PSAP: variants seen among roughly 807,000 people sequenced by gnomAD.
The protein encoded by PSAP is prosaposin, also known as precursor of saposins.
In PSAP, 25 loss-of-function variants were observed where a neutral mutation model predicts 66.0. The ratio of observed to expected loss-of-function variants is 0.38; its 90% CI spans 0.28 to 0.53. PSAP has a LOEUF of 0.53. PSAP is among the 20% of genes least tolerant of loss of function. The probability of loss-of-function intolerance (pLI) is 0.83; values close to 1 mark genes in which losing one functional copy is unlikely to be tolerated. For synonymous variants in PSAP, 273 were observed against 258.9 expected, an observed-to-expected ratio of 1.05 and a Z score of -0.52; for missense variants, 649 against 668.8, an observed-to-expected ratio of 0.97 and a Z score of 0.33.
chr10:71,826,120 A>G (rs1317059043), intron 6 of PSAP, among the ~76,000 whole-genome samples: 3 of 152,188 alleles, frequency 2.0e-5, no homozygotes, highest in Non-Finnish European at 4.4e-5. Flanking sequence ...CGTTTTGAAA[A>G]TGTTTCTTAA....
At chr10:71,851,137 C>G in intron 1 of PSAP, 45 bp downstream of exon 1, 1 of 1,547,858 alleles carries the variant, frequency 6.5e-7, no homozygotes, top group African/African-American at 1.4e-5. Flanking sequence ...GGCAGATGGA[C>G]GCTGCGAGGC....
chr10:71,817,659 G>A (rs2133026512), intron 13 of PSAP, among the ~76,000 whole-genome samples, 183 bp from the exon 14 acceptor site: 1 of 152,344 alleles, frequency 6.6e-6, no homozygotes, highest in South Asian at 2.1e-4. Context: ...GTGGCCATCA[G>A]AGTTTTGGGA....
rs780126150 is a variant in PSAP, at chr10:71,828,071, G to A, written c.663C>T (p.Ala221=). Residue 221 remains alanine (A), a synonymous_variant, in exon 6 of 14, where the codon GCC becomes GCT. Coordinates refer to ENST00000394936, the MANE Select transcript of PSAP (RefSeq NM_002778.4). The part of the protein sequence containing the change: ...AVRTNSTFVQ[A]LVEHVKEECD... ...ACTCCTCCTTGACATGTTCCACCAAGGCCTGGACAAAGGTGGAGTTGGTCC... is the reference window on the plus strand; with the variant it reads ...ACTCCTCCTTGACATGTTCCACCAAAGCCTGGACAAAGGTGGAGTTGGTCC... The A allele has an allele frequency of 6.2e-6, 10 of 1,614,182 alleles. No individual in the cohort carries two copies. Among genetic ancestry groups the A allele is most frequent in the Non-Finnish European group, 8.5e-6 (10 of 1,180,040 alleles).
At chr10:71,817,731 G>A (rs2593160) in intron 13 of PSAP, among the ~76,000 whole-genome samples, 1 of 146,974 alleles carries the variant, frequency 6.8e-6, no homozygotes, top group South Asian at 2.1e-4. Context: ...GAGTACCCAC[G>A]CAGGCAGGGC....
intron 1 of PSAP, among the ~76,000 whole-genome samples, chr10:71,846,022 G>C (rs1842815742): frequency 6.6e-6 from 1 of 152,248 alleles, no homozygotes. Context: ...ATCAAGGGCA[G>C]AAAATAGGCC....
At chr10:71,833,331 C>T (rs1159785792) in intron 2 of PSAP, among the ~76,000 whole-genome samples, 5 of 152,068 alleles carry the variant, frequency 3.3e-5, no homozygotes, top group African/African-American at 4.8e-5. Flanking sequence ...TACTGGTCCA[C>T]ATCTGTGGTT....
At chr10:71,818,797 A>G (rs1842231187) in intron 12 of PSAP, 73 bp from the exon 13 acceptor site, 1 of 1,328,882 alleles carries the variant, frequency 7.5e-7, no homozygotes, top group South Asian at 1.2e-5. Context: ...CAAAACTAAG[A>G]AAACAGTTTC....
At chr10:71,831,772 C>G in intron 3 of PSAP, 74 bp downstream of exon 3, 1 of 1,441,656 alleles carries the variant, frequency 6.9e-7, no homozygotes, top group Non-Finnish European at 9.8e-7. Context: ...TTTAGACACC[C>G]GGAATCACAG....
At chr10:71,835,773 G>T (rs1842610581) in intron 1 of PSAP, among the ~76,000 whole-genome samples, 1 of 147,474 alleles carries the variant, frequency 6.8e-6, no homozygotes, top group South Asian at 2.1e-4. Context: ...TCTCAGTAGG[G>T]TTGAACAAAC....
intron 12 of PSAP, 98 bp downstream of exon 12, chr10:71,818,930 GACT>G: frequency 8.2e-7 from 1 of 1,218,138 alleles, no homozygotes; most frequent in South Asian, 1.3e-5. Context: ...AGAACCCAGA[GACT>G]CCACCCCACG....
chr10:71,821,343 A>T (rs1842297392), intron 8 of PSAP, among the ~76,000 whole-genome samples: 1 of 152,252 alleles, frequency 6.6e-6, no homozygotes, highest in South Asian at 2.1e-4. Flanking sequence ...CACAGCCCCT[A>T]ACATGCTGCC....
chr10:71,851,125 G>A, intron 1 of PSAP, 57 bp downstream of exon 1: 1 of 1,538,626 alleles, frequency 6.5e-7, no homozygotes, highest in Non-Finnish European at 8.8e-7. Context: ...AGCCCATTCT[G>A]GGGCAGATGG....
chr10:71,834,569 T>C, intron 1 of PSAP, 64 bp from the exon 2 acceptor site: 4 of 1,592,062 alleles, frequency 2.5e-6, no homozygotes, highest in South Asian at 1.1e-5. Context: ...ACCTGACTTA[T>C]TTCCCCAGGG....
At chr10:71,834,563 G>T (rs780128396) in intron 1 of PSAP, 58 bp from the exon 2 acceptor site, 9 of 1,598,636 alleles carry the variant, frequency 5.6e-6, no homozygotes, top group Non-Finnish European at 7.7e-6. Flanking sequence ...AGGTCGACCT[G>T]ACTTATTTCC....
intron 4 of PSAP, among the ~76,000 whole-genome samples, chr10:71,830,805 T>A (rs1002450716): frequency 6.6e-6 from 1 of 152,216 alleles, no homozygotes; most frequent in Non-Finnish European, 1.5e-5. Flanking sequence ...GAAGTGAGGT[T>A]TTGTGCCTGC....
chr10:71,822,387 G>A (rs1005573971), intron 7 of PSAP, among the ~76,000 whole-genome samples: 1 of 152,102 alleles, frequency 6.6e-6, no homozygotes, highest in African/African-American at 2.4e-5. Flanking sequence ...TTTCTAGAGG[G>A]GGAACTACCA....
At chr10:71,836,226 T>C (rs1842625466) in intron 1 of PSAP, among the ~76,000 whole-genome samples, 1 of 152,122 alleles carries the variant, frequency 6.6e-6, no homozygotes, top group African/African-American at 2.4e-5. Context: ...TGGACTCTAG[T>C]TTCCAGGGGA....
At position 71,831,839 on chromosome 10, in the gene PSAP, C is replaced by T. The variant is rs1383864740; in HGVS notation, c.249+7G>A. On this transcript the variant is annotated splice_region_variant and intron_variant, in intron 3 of 13. Coordinates refer to ENST00000394936, the MANE Select transcript of PSAP (RefSeq NM_002778.4). The stretch of plus-strand genomic sequence containing the variant: ...CTCAAGCACCATCCCCACTCACCGC[C>T]GCTCACCTCAGTGGCATTGTCCTTC... 3.1e-6 allele frequency: 5 copies of T among 1,613,800 alleles called. No homozygotes were observed. The highest frequency in any genetic ancestry group is 1.7e-5 in the Admixed American group (1 of 60,032).
chr10:71,818,926 CAG>C, intron 12 of PSAP, 103 bp downstream of exon 12: 1 of 1,206,500 alleles, frequency 8.3e-7, no homozygotes, highest in Non-Finnish European at 1.2e-6. Flanking sequence ...CAGCAGAACC[CAG>C]AGACTCCACC....
Sources: gnomAD v4.1 joint callset for allele counts (sites outside exome capture counted in the v4.1 genomes callset) on GRCh38, gnomAD v4.1.1 for gene constraint, MANE v1.5 for transcripts, NCBI Gene and HGNC (gene_info 2026-07-23, HGNC 2026-07-21) for gene names.